Variants in CDH10 observed in about 807,000 individuals in gnomAD.
CDH10 encodes cadherin 10.
A neutral mutation model predicts 73.1 loss-of-function variants in CDH10; 30 were observed. The ratio of observed to expected loss-of-function variants is 0.41; its 90% CI spans 0.31 to 0.56. The LOEUF (loss-of-function observed/expected upper bound fraction) is 0.56, where lower values mean the gene tolerates loss of function less well. CDH10 is among the 20% of genes least tolerant of loss of function. CDH10 has a pLI of 0.27. For synonymous variants in CDH10, 345 were observed against 348.2 expected (o/e 0.99, Z 0.10); for missense variants, 815 against 973.7 (o/e 0.84, Z 2.17).
At chr5:24,510,591 A>C (rs994058592) in intron 6 of CDH10, among the ~76,000 whole-genome samples, 3 of 152,228 alleles carry the variant, frequency 2.0e-5, no homozygotes, top group Non-Finnish European at 4.4e-5. Context: ...CTGAAAAATG[A>C]CAAGACAGCT....
At chr5:24,509,354 C>T (rs1742811828) in intron 7 of CDH10, among the ~76,000 whole-genome samples, 2 of 150,314 alleles carry the variant, frequency 1.3e-5, no homozygotes, top group African/African-American at 4.9e-5. Flanking sequence ...ATTCTCCTGC[C>T]TCAGCCTCCT....
At chr5:24,497,670 A>T (rs1164529158) in intron 9 of CDH10, among the ~76,000 whole-genome samples, 1 of 152,166 alleles carries the variant, frequency 6.6e-6, no homozygotes, top group African/African-American at 2.4e-5. Context: ...TCCTTTTTTT[A>T]AATAAACACA....
At chr5:24,489,425 T>A (rs1741967269) in intron 11 of CDH10, among the ~76,000 whole-genome samples, 2 of 152,252 alleles carry the variant, frequency 1.3e-5, no homozygotes, top group South Asian at 2.1e-4. Context: ...CAGAACTTTT[T>A]AAAAAGTGTA....
chr5:24,597,530 T>C (rs1746414179), intron 1 of CDH10, among the ~76,000 whole-genome samples: 1 of 152,052 alleles, frequency 6.6e-6, no homozygotes, highest in African/African-American at 2.4e-5. Flanking sequence ...TTTTTCCACG[T>C]TTTTTTAACC....
chr5:24,637,172 CTT>C (rs918339820), intron 1 of CDH10, among the ~76,000 whole-genome samples: 2 of 151,922 alleles, frequency 1.3e-5, no homozygotes, highest in Non-Finnish European at 2.9e-5. Flanking sequence ...GTAGCAGAGA[CTT>C]TTGTTTCTTT....
At chr5:24,515,342 T>G (rs570345300) in intron 5 of CDH10, among the ~76,000 whole-genome samples, 1 of 152,142 alleles carries the variant, frequency 6.6e-6, no homozygotes, top group Non-Finnish European at 1.5e-5. Context: ...TCCAGTCTTA[T>G]GCAAAGTGTT....
chr5:24,505,323 C>G (rs2111728987), intron 7 of CDH10, 75 bp from the exon 8 acceptor site: 1 of 1,094,806 alleles, frequency 9.1e-7, no homozygotes, highest in South Asian at 1.3e-5. Flanking sequence ...GAAATGCAAA[C>G]CCACACATAT....
intron 11 of CDH10, among the ~76,000 whole-genome samples, chr5:24,490,823 C>T (rs974619436): frequency 1.3e-4 from 20 of 151,940 alleles, no homozygotes; most frequent in Admixed American, 7.9e-4. Context: ...GAAAAGTTAG[C>T]AATTATTGAA....
At chr5:24,554,511 T>C (rs759488985) in intron 2 of CDH10, among the ~76,000 whole-genome samples, 1,221 of 39,422 alleles carry the variant, frequency 0.031, 12 homozygotes, top group Middle Eastern at 0.048. Context: ...TGTGTGTGTG[T>C]GTGTGTGTGC....
chr5:24,565,829 C>T (rs1358359972), intron 2 of CDH10, among the ~76,000 whole-genome samples: 1 of 151,968 alleles, frequency 6.6e-6, no homozygotes, highest in South Asian at 2.1e-4. Context: ...AGCAAGAAGG[C>T]AACCATCTGC....
At chr5:24,516,843 C>T (rs1360505952) in intron 5 of CDH10, among the ~76,000 whole-genome samples, 1 of 151,266 alleles carries the variant, frequency 6.6e-6, no homozygotes, top group African/African-American at 2.4e-5. Flanking sequence ...TGCCTGGTTG[C>T]TTCTGCTTGA....
chr5:24,564,368 C>T (rs193178172), intron 2 of CDH10, among the ~76,000 whole-genome samples: 23 of 152,262 alleles, frequency 1.5e-4, no homozygotes, highest in African/African-American at 4.1e-4. Flanking sequence ...TGGTGGCATT[C>T]ATCCTTCTTA....
At chr5:24,490,689 A>G (rs1031863213) in intron 11 of CDH10, among the ~76,000 whole-genome samples, 3 of 152,186 alleles carry the variant, frequency 2.0e-5, no homozygotes, top group Non-Finnish European at 2.9e-5. Context: ...TGCAGGCCTT[A>G]ACTTCATATA....
intron 2 of CDH10, among the ~76,000 whole-genome samples, chr5:24,562,803 G>GA (rs919170795): frequency 1.4e-5 from 2 of 142,750 alleles, no homozygotes; most frequent in Non-Finnish European, 3.1e-5. Flanking sequence ...ATTGGAGATG[G>GA]AAAAAAATAC....
chr5:24,545,353 C>A (rs1192921230), intron 2 of CDH10, among the ~76,000 whole-genome samples: 1 of 152,136 alleles, frequency 6.6e-6, no homozygotes, highest in Non-Finnish European at 1.5e-5. Flanking sequence ...CATTTAAAAG[C>A]AAGAGATTCA....
At chr5:24,582,162 A>G (rs10805767) in intron 2 of CDH10, among the ~76,000 whole-genome samples, 58,390 of 152,004 alleles carry the variant, frequency 0.38, 13,638 homozygotes, top group East Asian at 0.54. Flanking sequence ...TAGGAGCATT[A>G]TTGGTAACAG....
intron 1 of CDH10, among the ~76,000 whole-genome samples, chr5:24,607,262 A>T (rs1416802832): frequency 6.6e-6 from 1 of 152,166 alleles, no homozygotes; most frequent in Non-Finnish European, 1.5e-5. Context: ...TCCTAATTAG[A>T]TGACTGAAGT....
chr5:24,524,967 T>C (rs1195760549), intron 5 of CDH10, among the ~76,000 whole-genome samples: 1 of 152,060 alleles, frequency 6.6e-6, no homozygotes, highest in South Asian at 2.1e-4. Flanking sequence ...CAAAATTTGA[T>C]CAATAGGACC....
chr5:24,523,047 T>C (rs1359785289), intron 5 of CDH10, among the ~76,000 whole-genome samples: 1 of 151,678 alleles, frequency 6.6e-6, no homozygotes, highest in Non-Finnish European at 1.5e-5. Context: ...TTTCATAGCA[T>C]GGCATTTAAA....
Sources: allele counts gnomAD v4.1 joint callset (sites outside exome capture counted in the v4.1 genomes callset), GRCh38; gene constraint gnomAD v4.1.1; transcripts MANE v1.5; gene names NCBI Gene and HGNC (gene_info 2026-07-23, HGNC 2026-07-21).